Variants in QTMAN observed in about 807,000 individuals in gnomAD.
The protein encoded by QTMAN is queuosine-tRNA mannosyltransferase.
chr2:144,229,466 C>G, the QTMAN span, among the ~76,000 whole-genome samples: 1 of 152,100 alleles, frequency 6.6e-6, no homozygotes, highest in Non-Finnish European at 1.5e-5. Flanking sequence ...TCCTTTTTAT[C>G]CCCCAGTTTG....
the QTMAN span, among the ~76,000 whole-genome samples, chr2:144,119,038 C>T: frequency 3.3e-5 from 5 of 152,090 alleles, no homozygotes; most frequent in Non-Finnish European, 7.3e-5. Context: ...TGCAATTATA[C>T]ACTAGGTAAG....
chr2:144,298,041 T>C, the QTMAN span, among the ~76,000 whole-genome samples: 1 of 150,574 alleles, frequency 6.6e-6, no homozygotes, highest in East Asian at 2.0e-4. Context: ...TTTTTTGAGA[T>C]GGAGTCTCGC....
the QTMAN span, among the ~76,000 whole-genome samples, chr2:144,214,748 T>A: frequency 1.3e-5 from 2 of 152,332 alleles, no homozygotes; most frequent in East Asian, 3.9e-4. Flanking sequence ...CAAGATTTGG[T>A]AGGAAAACTC....
the QTMAN span, among the ~76,000 whole-genome samples, chr2:144,123,759 A>C: frequency 6.6e-6 from 1 of 152,116 alleles, no homozygotes; most frequent in East Asian, 1.9e-4. Flanking sequence ...TTTTAATCTT[A>C]GAGTCATAGA....
chr2:143,957,588 A>G, the QTMAN span, among the ~76,000 whole-genome samples: 4 of 152,176 alleles, frequency 2.6e-5, no homozygotes, highest in Non-Finnish European at 5.9e-5. Context: ...TGTCTGCTTC[A>G]TAAAACTCGC....
chr2:144,309,472 T>C, the QTMAN span, among the ~76,000 whole-genome samples: 2 of 152,170 alleles, frequency 1.3e-5, no homozygotes, highest in African/African-American at 2.4e-5. Flanking sequence ...TACAATAACA[T>C]AATAAGCCTC....
At chr2:144,234,560 A>G in the QTMAN span, among the ~76,000 whole-genome samples, 3 of 152,130 alleles carry the variant, frequency 2.0e-5, no homozygotes, top group African/African-American at 4.8e-5. Flanking sequence ...GAAGGGAAAA[A>G]AGTTGTGCAA....
the QTMAN span, among the ~76,000 whole-genome samples, chr2:144,054,962 G>A: frequency 2.0e-5 from 3 of 152,046 alleles, no homozygotes; most frequent in Admixed American, 6.5e-5. Context: ...ATCTGACTCT[G>A]GGGGCTGTTG....
the QTMAN span, among the ~76,000 whole-genome samples, chr2:144,027,979 A>G: frequency 3.3e-5 from 5 of 152,194 alleles, no homozygotes; most frequent in Non-Finnish European, 7.3e-5. Context: ...GGGGGCCGTT[A>G]GTATCTAAAC....
the QTMAN span, chr2:143,938,679 A>G: frequency 1.3e-5 from 2 of 152,070 alleles, no homozygotes; most frequent in Non-Finnish European, 2.9e-5. Flanking sequence ...TCTCCCCAAC[A>G]GCATTTCAAA....
chr2:144,133,469 T>C, the QTMAN span, among the ~76,000 whole-genome samples: 41 of 77,298 alleles, frequency 5.3e-4, no homozygotes, highest in African/African-American at 2.2e-3. Flanking sequence ...ATATATTATA[T>C]ATTATATAAT....
the QTMAN span, among the ~76,000 whole-genome samples, chr2:144,330,160 A>C: frequency 6.6e-6 from 1 of 152,240 alleles, no homozygotes; most frequent in Non-Finnish European, 1.5e-5. Flanking sequence ...ATCACATGAC[A>C]TTTCAGTCAA....
the QTMAN span, among the ~76,000 whole-genome samples, chr2:143,965,205 G>T: frequency 6.6e-6 from 1 of 152,168 alleles, no homozygotes; most frequent in East Asian, 1.9e-4. Flanking sequence ...TTATGTAGCA[G>T]AATGACCTTT....
chr2:143,970,618 A>G, the QTMAN span: 11 of 1,051,154 alleles, frequency 1.0e-5, no homozygotes, highest in East Asian at 7.1e-5. Context: ...TATGTCATCT[A>G]TAAAAATACA....
At chr2:144,167,208 T>G in the QTMAN span, among the ~76,000 whole-genome samples, 4 of 152,272 alleles carry the variant, frequency 2.6e-5, no homozygotes, top group South Asian at 8.3e-4. Flanking sequence ...CCTGTTCCCA[T>G]CCAACTATCA....
chr2:144,153,104 G>A, the QTMAN span, among the ~76,000 whole-genome samples: 3 of 152,078 alleles, frequency 2.0e-5, no homozygotes, highest in Non-Finnish European at 4.4e-5. Context: ...GTTAGCGTTT[G>A]GAAAAAAATG....
the QTMAN span, among the ~76,000 whole-genome samples, chr2:144,197,676 C>T: frequency 1.3e-5 from 2 of 152,050 alleles, no homozygotes; most frequent in Non-Finnish European, 2.9e-5. Flanking sequence ...TAGTAAAAAG[C>T]AAATAACACA....
the QTMAN span, among the ~76,000 whole-genome samples, chr2:144,288,099 G>C: frequency 6.6e-6 from 1 of 152,064 alleles, no homozygotes; most frequent in African/African-American, 2.4e-5. Flanking sequence ...TCGATCTCTT[G>C]ACCTCATCAT....
At chr2:144,278,894 C>T in the QTMAN span, among the ~76,000 whole-genome samples, 1 of 152,002 alleles carries the variant, frequency 6.6e-6, no homozygotes, top group African/African-American at 2.4e-5. Flanking sequence ...TTACTGAGTG[C>T]CTATTATGTT....
Sources: gnomAD v4.1 joint callset for allele counts (sites outside exome capture counted in the v4.1 genomes callset) on GRCh38, gnomAD v4.1.1 for gene constraint, MANE v1.5 for transcripts, NCBI Gene and HGNC (gene_info 2026-07-23, HGNC 2026-07-21) for gene names.